PRKCE: variants seen among roughly 807,000 people sequenced by gnomAD.
The protein encoded by PRKCE is protein kinase C epsilon, also known as protein kinase C epsilon type.
Under a neutral mutation model 85.4 loss-of-function variants are expected in PRKCE, and 16 were observed. The observed-to-expected ratio is 0.19, with a 90% CI of 0.13 to 0.28. PRKCE has a LOEUF of 0.28. Among genes scored for constraint, PRKCE ranks in the 10% least tolerant of loss-of-function variants. PRKCE has a pLI of 1.00. For missense variants in PRKCE, 573 were observed against 975.2 expected, an observed-to-expected ratio of 0.59 and a Z score of 5.49; for synonymous variants, 388 against 371.5, an observed-to-expected ratio of 1.04 and a Z score of -0.51.
At chr2:45,670,685 C>T (rs1028841499) in intron 1 of PRKCE, among the ~76,000 whole-genome samples, 17 of 152,170 alleles carry the variant, frequency 1.1e-4, no homozygotes, top group Admixed American at 7.9e-4. Context: ...AATAAACTTA[C>T]ATTTTACTAA....
intron 2 of PRKCE, among the ~76,000 whole-genome samples, chr2:45,941,539 G>A (rs1699879601): frequency 6.6e-6 from 1 of 152,302 alleles, no homozygotes; most frequent in East Asian, 1.9e-4. Context: ...GGGCCGTGAA[G>A]GGGTGGGCTT....
chr2:46,107,258 C>G (rs1574487806), intron 11 of PRKCE, among the ~76,000 whole-genome samples: 1 of 152,168 alleles, frequency 6.6e-6, no homozygotes, highest in Non-Finnish European at 1.5e-5. Context: ...AGTGTGTAAC[C>G]TTTTCAGACT....
At chr2:45,926,309 G>C (rs1162565600) in intron 2 of PRKCE, among the ~76,000 whole-genome samples, 2 of 152,164 alleles carry the variant, frequency 1.3e-5, no homozygotes, top group African/African-American at 4.8e-5. Flanking sequence ...CTTTGTTTCA[G>C]GGCAACTGCC....
At chr2:45,657,208 G>A (rs910459423) in intron 1 of PRKCE, among the ~76,000 whole-genome samples, 26 of 152,204 alleles carry the variant, frequency 1.7e-4, no homozygotes, top group African/African-American at 6.0e-4. Flanking sequence ...CTGTAGAAGA[G>A]GCAGGCACTC....
intron 10 of PRKCE, among the ~76,000 whole-genome samples, chr2:46,077,010 G>A (rs1394034976): frequency 6.6e-6 from 1 of 152,132 alleles, no homozygotes; most frequent in African/African-American, 2.4e-5. Context: ...AATCGGGGAG[G>A]TGTTCACCAA....
intron 1 of PRKCE, among the ~76,000 whole-genome samples, chr2:45,693,779 G>C (rs1056728219): frequency 6.6e-6 from 1 of 152,118 alleles, no homozygotes; most frequent in Non-Finnish European, 1.5e-5. Flanking sequence ...AAGTGAGAAG[G>C]CATGGACATC....
At chr2:45,794,056 G>A (rs1687226932) in intron 1 of PRKCE, among the ~76,000 whole-genome samples, 2 of 152,196 alleles carry the variant, frequency 1.3e-5, no homozygotes, top group East Asian at 1.9e-4. Context: ...TTATCGTGGG[G>A]CAGCCGCCCT....
intron 1 of PRKCE, among the ~76,000 whole-genome samples, chr2:45,743,281 A>C (rs1486255452): frequency 6.6e-6 from 1 of 152,246 alleles, no homozygotes; most frequent in East Asian, 1.9e-4. Flanking sequence ...CATACAAAAA[A>C]GTAGGTGAGG....
chr2:45,695,706 G>C (rs1678086056), intron 1 of PRKCE, among the ~76,000 whole-genome samples: 1 of 152,194 alleles, frequency 6.6e-6, no homozygotes, highest in South Asian at 2.1e-4. Flanking sequence ...CGGAGGCGGA[G>C]GTTGCAGTGA....
chr2:45,785,929 C>T (rs576962962), intron 1 of PRKCE, among the ~76,000 whole-genome samples: 7 of 152,276 alleles, frequency 4.6e-5, no homozygotes, highest in African/African-American at 1.7e-4. Context: ...AGGGATGGCT[C>T]GTTGCCTTGA....
intron 2 of PRKCE, among the ~76,000 whole-genome samples, chr2:45,945,275 G>T (rs1397114081): frequency 1.3e-5 from 2 of 152,176 alleles, no homozygotes; most frequent in African/African-American, 4.8e-5. Flanking sequence ...ACCAACATCT[G>T]CTTGGCTTCT....
intron 2 of PRKCE, among the ~76,000 whole-genome samples, chr2:45,966,943 G>C (rs1701773100): frequency 6.6e-6 from 1 of 152,310 alleles, no homozygotes; most frequent in South Asian, 2.1e-4. Flanking sequence ...AGGGTTTCTG[G>C]AAGTCAGTAT....
chr2:46,056,774 A>G (rs1173374290), intron 10 of PRKCE, among the ~76,000 whole-genome samples: 2 of 152,218 alleles, frequency 1.3e-5, no homozygotes, highest in African/African-American at 4.8e-5. Flanking sequence ...ATTCTTAAAG[A>G]GAGCCTTCAA....
At chr2:45,814,757 C>T (rs761834667) in intron 1 of PRKCE, among the ~76,000 whole-genome samples, 2 of 152,138 alleles carry the variant, frequency 1.3e-5, no homozygotes, top group African/African-American at 4.8e-5. Flanking sequence ...GCTGACATGT[C>T]CTAGCTCTGG....
At chr2:45,766,434 CT>C (rs1234423453) in intron 1 of PRKCE, among the ~76,000 whole-genome samples, 4 of 152,176 alleles carry the variant, frequency 2.6e-5, no homozygotes, top group East Asian at 1.9e-4. Flanking sequence ...CTACTCTCTT[CT>C]TTTTTCCCAG....
At position 46,004,848 on chromosome 2, in the gene PRKCE, C is replaced by T. The variant is rs1259953555; in HGVS notation, c.1063+210C>T. Among the ~76,000 whole-genome samples the T allele has an allele frequency of 6.6e-6, 1 of 152,134 alleles. No homozygotes were observed. Among genetic ancestry groups the T allele is most frequent in the African/African-American group, 2.4e-5 (1 of 41,424 alleles). ...CTGGGCACTCCATGGCCATATCTGCCTTAATTTCCTTCCAGGCCAGGGTAA... is the reference window on the plus strand; with the variant it reads ...CTGGGCACTCCATGGCCATATCTGCTTTAATTTCCTTCCAGGCCAGGGTAA... On this transcript the variant is annotated intron_variant, in intron 8 of 14. Coordinates refer to ENST00000306156, the MANE Select transcript of PRKCE (RefSeq NM_005400.3). This position sits in a 1 kb window ranked among gnomAD's most constrained non-coding sequence, Gnocchi z 4.1.
Position 46,139,391 on chromosome 2 carries a change from C to T in PRKCE, c.1593-5702C>T, listed in dbSNP as rs556201043. The stretch of plus-strand genomic sequence containing the variant: ...ATGTGTGAGCAGATAGAAGATATAA[C>T]GGAAGAAAGCCCCCATTTACCAGAA... On this transcript the variant is annotated intron_variant, in intron 11 of 14. Transcript: ENST00000306156. The surrounding 1 kb of genome is among the most constrained non-coding windows in gnomAD (Gnocchi z 5.2). Among the ~76,000 whole-genome samples the T allele has an allele frequency of 3.9e-5, 6 of 152,092 alleles. No homozygotes were observed. The highest frequency in any genetic ancestry group is 1.9e-4 in the East Asian group (1 of 5,176).
At chr2:45,723,790 A>C (rs1680825959) in intron 1 of PRKCE, among the ~76,000 whole-genome samples, 1 of 152,086 alleles carries the variant, frequency 6.6e-6, no homozygotes, top group South Asian at 2.1e-4. Context: ...TTTTTAGTAG[A>C]GATAGGGTTT....
intron 1 of PRKCE, among the ~76,000 whole-genome samples, chr2:45,778,385 T>C (rs1327030540): frequency 1.3e-5 from 2 of 152,172 alleles, no homozygotes; most frequent in Non-Finnish European, 1.5e-5. Context: ...GAGTTTATGC[T>C]CTGGGAGACC....
Sources: allele counts gnomAD v4.1 joint callset (sites outside exome capture counted in the v4.1 genomes callset), GRCh38; gene constraint gnomAD v4.1.1; non-coding constraint Gnocchi (gnomAD v3.1); transcripts MANE v1.5; gene names NCBI Gene and HGNC (gene_info 2026-07-23, HGNC 2026-07-21).